The following ASXL1 variants were observed in gnomAD, a reference collection of about 807,000 sequenced individuals.
ASXL1 encodes ASXL transcriptional regulator 1.
In ASXL1, 65 loss-of-function variants were observed where a neutral mutation model predicts 89.1. The ratio of observed to expected loss-of-function variants is 0.73; its 90% CI spans 0.60 to 0.90. ASXL1 has a LOEUF of 0.90. Among genes scored for constraint, ASXL1 ranks in the 40% least tolerant of loss-of-function variants. ASXL1 has a pLI of 0.00. For missense variants in ASXL1, 1,786 were observed against 1,942.9 expected, an observed-to-expected ratio of 0.92 and a Z score of 1.52; for synonymous variants, 739 against 746.9, an observed-to-expected ratio of 0.99 and a Z score of 0.17.
chr20:32,433,355 T>TC lies in ASXL1; in HGVS notation c.1157_1158insC (p.Leu386PhefsTer24). On this transcript the variant is annotated frameshift_variant, in exon 12 of 13. Transcript: ENST00000375687. LOFTEE classifies it high-confidence loss of function. ...GAGGAGGCTGAAATCAAAAGTGGCT[T>TC]GTGTGTCCCAGGAGAATCAGTGCGT... is the stretch of plus-strand genomic sequence containing the variant. 6.2e-7 allele frequency: 1 copy of TC among 1,614,144 alleles called. No homozygotes were observed. Among genetic ancestry groups the TC allele is most frequent in the South Asian group, 1.1e-5 (1 of 91,076 alleles).
chr20:32,399,531 A>T (rs1027417519), intron 4 of ASXL1, among the ~76,000 whole-genome samples: 6 of 124,548 alleles, frequency 4.8e-5, no homozygotes, highest in African/African-American at 6.1e-5. Flanking sequence ...TTTTCAAATT[A>T]TTTTCCATTT....
At position 32,436,432 on chromosome 20, in the gene ASXL1, T is replaced by C. The variant is rs144901547; in HGVS notation, c.3720T>C (p.Cys1240=). 2.4e-5 allele frequency: 38 copies of C among 1,613,938 alleles called. No individual in the cohort carries two copies. The African/African-American group carries it at 4.3e-4, about 18-fold the overall frequency. Reference sequence around the variant, plus strand: ...AAGAGCAGTTCTCTTCCTTTAGTTGTGAAGATCAGAAGGAAGTCCGTGCTA... The same window carrying C: ...AAGAGCAGTTCTCTTCCTTTAGTTGCGAAGATCAGAAGGAAGTCCGTGCTA... ...DSKEQFSSFS[C]EDQKEVRAMS... is the part of the protein sequence containing the mutation. Residue 1240 remains cysteine (C), a synonymous_variant, in exon 13 of 13, where the codon TGT becomes TGC. Coordinates refer to ENST00000375687, the MANE Select transcript of ASXL1 (RefSeq NM_015338.6).
intron 4 of ASXL1, among the ~76,000 whole-genome samples, chr20:32,420,689 A>C (rs577382897): frequency 1.1e-3 from 164 of 152,314 alleles, no homozygotes; most frequent in Non-Finnish European, 2.0e-3. Flanking sequence ...ATTTCTTTCC[A>C]TATAAAAATG....
At chr20:32,364,587 A>G (rs1010289718) in intron 1 of ASXL1, among the ~76,000 whole-genome samples, 21 of 152,184 alleles carry the variant, frequency 1.4e-4, no homozygotes, top group Non-Finnish European at 7.3e-5. Context: ...TGCAGTGGCT[A>G]TACACAGGCA....
Position 32,436,815 on chromosome 20 carries a change from A to G in ASXL1, c.4103A>G (p.Lys1368Arg). The G allele has an allele frequency of 1.2e-6, 2 of 1,614,236 alleles. No individual in the cohort carries two copies. Among genetic ancestry groups the G allele is most frequent in the Non-Finnish European group, 1.7e-6 (2 of 1,180,048 alleles). Residue 1368 changes from lysine to arginine, a missense_variant, in exon 13 of 13, where the codon AAG becomes AGG. Transcript: ENST00000375687. ...PKPHAFVGSV[K>R]NEKTFVGGPL... ...CCACATGCCTTTGTTGGCAGCGTCA[A>G]GAATGAGAAGACTTTTGTGGGGGGT...
At chr20:32,408,428 A>G (rs1469696936) in intron 4 of ASXL1, among the ~76,000 whole-genome samples, 1 of 152,134 alleles carries the variant, frequency 6.6e-6, no homozygotes, top group Non-Finnish European at 1.5e-5. Flanking sequence ...TAATCTATCT[A>G]TTTTTATACC....
At chr20:32,359,644 T>C (rs536980343) in intron 1 of ASXL1, 8 of 715,524 alleles carry the variant, frequency 1.1e-5, no homozygotes, top group Non-Finnish European at 2.1e-5. Flanking sequence ...GCAAAGAATG[T>C]ATGTTGGACA....
chr20:32,362,011 G>A (rs79973593), intron 1 of ASXL1, among the ~76,000 whole-genome samples: 1 of 152,174 alleles, frequency 6.6e-6, no homozygotes, highest in South Asian at 2.1e-4. Context: ...GGAGGTTGCA[G>A]TGAACCCAGA....
At position 32,429,576 on chromosome 20, in the gene ASXL1, CCA is replaced by C; in HGVS notation, c.565+146_565+147del. ...GAGCCCTGCCAATGGATGAGGCCTG[CCA>C]TAGGTTCTAGTGCTGGGCTCTGCTG... is the stretch of plus-strand genomic sequence containing the variant. On this transcript the variant is annotated intron_variant, in intron 7 of 12. Transcript: ENST00000375687. This position sits in a 1 kb window ranked among gnomAD's most constrained non-coding sequence, Gnocchi z 4.9. 1.1e-6 allele frequency: 1 copy of C among 890,540 alleles called. No individual in the cohort carries two copies. The highest frequency in any genetic ancestry group is 1.8e-6 in the Non-Finnish European group (1 of 550,190). The allele number at this position is 890,540 out of a possible 1,614,324, so 55.2% of individuals were successfully genotyped here. A position where few individuals can be genotyped will look rare whatever the true frequency, so the allele number is the denominator to read the frequency against.
Position 32,380,577 on chromosome 20 carries a change from C to T in ASXL1, c.252+11454C>T, listed in dbSNP as rs548136959. 2.6e-5 allele frequency among the ~76,000 whole-genome samples: 4 copies of T among 152,086 alleles called. No individual in the cohort carries two copies. The East Asian group carries it at 7.7e-4, about 29-fold the overall frequency. ...GACCAGCCTGGGCAACATAGCGAAA[C>T]TTTTGTCTCTACAAGAAATAAAATT... On this transcript the variant is annotated intron_variant, in intron 4 of 12. Transcript: ENST00000375687.
intron 4 of ASXL1, among the ~76,000 whole-genome samples, chr20:32,399,048 A>G (rs1263001447): frequency 6.6e-6 from 1 of 151,934 alleles, no homozygotes; most frequent in African/African-American, 2.4e-5. Context: ...CATCTTTACT[A>G]AAAATACAAA....
At chr20:32,359,654 A>G (rs1238450120) in intron 1 of ASXL1, 14 of 716,874 alleles carry the variant, frequency 2.0e-5, no homozygotes, top group Non-Finnish European at 3.6e-5. Flanking sequence ...TATGTTGGAC[A>G]AAGACAAAGT....
intron 4 of ASXL1, chr20:32,427,773 C>T: frequency 5.6e-6 from 2 of 360,064 alleles, no homozygotes; most frequent in Middle Eastern, 9.9e-4. Flanking sequence ...CACCTATGTA[C>T]TGTACTTTGT....
intron 4 of ASXL1, among the ~76,000 whole-genome samples, chr20:32,387,519 G>C (rs1254779167): frequency 1.3e-5 from 2 of 152,076 alleles, no homozygotes; most frequent in African/African-American, 4.8e-5. Flanking sequence ...TTTTTACTTC[G>C]ATGCATGGTT....
chr20:32,381,765 C>T (rs1451588532), intron 4 of ASXL1, among the ~76,000 whole-genome samples: 5 of 152,062 alleles, frequency 3.3e-5, no homozygotes, highest in South Asian at 2.1e-4. Flanking sequence ...CCACCCACCT[C>T]GGCCTCCCAA....
chr20:32,426,554 C>CTTTTTTTTTTTTTTTTTTTTTTT (rs1177815042), intron 4 of ASXL1, among the ~76,000 whole-genome samples: 3 of 83,950 alleles, frequency 3.6e-5, no homozygotes, highest in Admixed American at 1.6e-4. Flanking sequence ...TTTTTTCTTT[C>CTTTTTTTTTTTTTTTTTTTTTTT]TTTTTTTTTT....
In ASXL1 at chr20:32,358,929, A is replaced by T. The variant is rs2122756148; in HGVS notation, c.57+97A>T. The T allele has an allele frequency of 2.5e-6, 3 of 1,221,222 alleles. No individual in the cohort carries two copies. The South Asian group carries it at 5.4e-5, about 22-fold the overall frequency. 75.6% of individuals were successfully genotyped at this position (1,221,222 alleles called of 1,614,324 possible). On this transcript the variant is annotated intron_variant, in intron 1 of 12. Coordinates refer to ENST00000375687, the MANE Select transcript of ASXL1 (RefSeq NM_015338.6). The stretch of plus-strand genomic sequence containing the variant: ...GGGGGGGAGGGGCAAGGCCCTGCCC[A>T]CCGCGGGAGGGGGCGGGGCCATCTT...
Position 32,407,068 on chromosome 20 carries a change from TTGG to T in ASXL1, c.253-21056_253-21054del, listed in dbSNP as rs1260606185. On this transcript the variant is annotated intron_variant, in intron 4 of 12. Coordinates refer to ENST00000375687, the MANE Select transcript of ASXL1 (RefSeq NM_015338.6). ...ATAGAATTGAAATATATAGGTGGGC[TTGG>T]TGGCTCACGCATGTAATCCCAGCAC... is the stretch of plus-strand genomic sequence containing the variant. 2.0e-5 allele frequency among the ~76,000 whole-genome samples: 3 copies of T among 151,938 alleles called. No homozygotes were observed. In the South Asian group the frequency reaches 6.2e-4, roughly 32 times the overall value.
At position 32,358,816 on chromosome 20, in the gene ASXL1, C is replaced by T. The variant is rs1365687375; in HGVS notation, c.41C>T (p.Ala14Val). ...AAGAAGAAGAAGGAGCGCACGTGGG[C>T]CGAGGCCGCGCGCCTGGTGAGGCGG... Reference protein sequence around the residue: ...KQKKKKERTWAEAARLVLENY... With the variant: ...KQKKKKERTWVEAARLVLENY... The change falls in exon 1 of 13, where the codon GCC becomes GTC. Residue 14 changes from alanine (A) to valine (V), a missense_variant. Physicochemically the swap from Ala to Val is moderately conservative, Grantham distance 64 (BLOSUM62 0). Around this residue, in one of 3 missense-constraint regions of ASXL1, gnomAD observed 332 missense variants for 449.7 expected, o/e 0.74. Coordinates refer to ENST00000375687, the MANE Select transcript of ASXL1 (RefSeq NM_015338.6). The T allele has an allele frequency of 1.3e-6, 2 of 1,488,262 alleles. No individual in the cohort carries two copies. Among genetic ancestry groups the T allele is most frequent in the Admixed American group, 4.3e-5 (2 of 46,564 alleles). 92.2% of individuals were successfully genotyped at this position (1,488,262 alleles called of 1,614,324 possible).
Sources: allele counts gnomAD v4.1 joint callset (sites outside exome capture counted in the v4.1 genomes callset), GRCh38; gene constraint gnomAD v4.1.1; regional missense constraint gnomAD v4.1.1; non-coding constraint Gnocchi (gnomAD v3.1); transcripts MANE v1.5; gene names NCBI Gene and HGNC (gene_info 2026-07-23, HGNC 2026-07-21).